ALLC: variants seen among roughly 807,000 people sequenced by gnomAD.
The protein encoded by ALLC is probable inactive allantoicase.
In ALLC, 40 loss-of-function variants were observed where a neutral mutation model predicts 45.0. The ratio of observed to expected loss-of-function variants is 0.89; its 90% CI spans 0.69 to 1.16. The LOEUF is 1.16. ALLC is among the 50% of genes most tolerant of loss of function. The pLI is 0.00. For synonymous variants in ALLC, 176 were observed against 178.1 expected, an observed-to-expected ratio of 0.99 and a Z score of 0.09; for missense variants, 488 against 493.1, an observed-to-expected ratio of 0.99 and a Z score of 0.10.
At chr2:3,698,585 CT>C (rs1384345600) in intron 10 of ALLC, among the ~76,000 whole-genome samples, 1 of 152,180 alleles carries the variant, frequency 6.6e-6, no homozygotes, top group East Asian at 1.9e-4. Context: ...TCTGTATTTA[CT>C]TTCTTATGAA....
In ALLC at chr2:3,671,103, G is replaced by T. The variant is rs761121178; in HGVS notation, c.-55G>T. The T allele has an allele frequency of 6.7e-5, 106 of 1,591,710 alleles. 1 individual carries two copies. The South Asian group carries it at 9.1e-4, about 14-fold the overall frequency. On this transcript the variant is annotated 5_prime_UTR_variant, in exon 2 of 12. Coordinates refer to ENST00000252505, the MANE Select transcript of ALLC (RefSeq NM_018436.4). ...CTGCCCTCTCCCTTCCAGGAAGCACGGCTGATGCTCCGAAGGAGGGAAGAC... is the reference window on the plus strand; with the variant it reads ...CTGCCCTCTCCCTTCCAGGAAGCACTGCTGATGCTCCGAAGGAGGGAAGAC...
chr2:3,649,235 A>G, the ALLC span, among the ~76,000 whole-genome samples: 1 of 151,206 alleles, frequency 6.6e-6, no homozygotes, highest in Non-Finnish European at 1.5e-5. Flanking sequence ...AAAAGACCCC[A>G]AACACTTCTT....
the ALLC span, among the ~76,000 whole-genome samples, chr2:3,652,223 C>T: frequency 6.6e-6 from 1 of 152,188 alleles, no homozygotes; most frequent in Non-Finnish European, 1.5e-5. Flanking sequence ...CGGGTGGTTG[C>T]TAGGCTGCCC....
chr2:3,701,543 G>T lies in ALLC; in HGVS notation c.882G>T (p.Gly294=), dbSNP rs141614185. ...GNAPDSCKVD[G]CILTTQEEEA... is the part of the protein sequence containing the mutation. ...CTCCTGACAGCTGTAAAGTGGATGG[G>T]TGCATCCTGACAACTCAGGAAGAAG... Residue 294 remains glycine, a synonymous_variant, in exon 11 of 12, where the codon GGG becomes GGT. Coordinates refer to ENST00000252505, the MANE Select transcript of ALLC (RefSeq NM_018436.4). The T allele has an allele frequency of 1.9e-6, 3 of 1,590,070 alleles. No individual in the cohort carries two copies. Among genetic ancestry groups the T allele is most frequent in the Non-Finnish European group, 8.5e-7 (1 of 1,170,836 alleles).
At chr2:3,677,080 A>T (rs746991488) in intron 3 of ALLC, among the ~76,000 whole-genome samples, 43 of 152,040 alleles carry the variant, frequency 2.8e-4, no homozygotes, top group Admixed American at 4.6e-4. Context: ...AAGCCACCGC[A>T]CCTGACTAGT....
At chr2:3,678,388 T>C in intron 3 of ALLC, 80 bp from the exon 4 acceptor site, 2 of 1,229,542 alleles carry the variant, frequency 1.6e-6, no homozygotes. Flanking sequence ...CCTCTGGCAC[T>C]GTGGGACAGA....
intron 11 of ALLC, 118 bp downstream of exon 11, chr2:3,701,754 G>A (rs540311356): frequency 9.5e-6 from 12 of 1,269,368 alleles, no homozygotes; most frequent in Non-Finnish European, 1.2e-5. Context: ...TAAAACGAAT[G>A]AGGTTTAAAA....
intron 1 of ALLC, among the ~76,000 whole-genome samples, chr2:3,661,332 C>G (rs781023787): frequency 6.6e-6 from 1 of 152,192 alleles, no homozygotes; most frequent in Non-Finnish European, 1.5e-5. Context: ...CCTCAATGCA[C>G]GCAAGCATTT....
intron 10 of ALLC, among the ~76,000 whole-genome samples, chr2:3,697,764 C>T (rs767341224): frequency 2.9e-4 from 44 of 151,946 alleles, no homozygotes; most frequent in Non-Finnish European, 5.7e-4. Flanking sequence ...CTCCAGGGTC[C>T]AAGCGATTCT....
intron 7 of ALLC, among the ~76,000 whole-genome samples, chr2:3,690,132 C>T (rs1667435563): frequency 6.7e-6 from 1 of 148,402 alleles, no homozygotes; most frequent in Non-Finnish European, 1.5e-5. Context: ...GGCCTTGTTT[C>T]TTAGTCCATT....
intron 2 of ALLC, among the ~76,000 whole-genome samples, chr2:3,672,022 AGGTCCTCTGGCTCTAGTTAGACCTGT>A (rs1666889990): frequency 1.0e-5 from 1 of 99,670 alleles, no homozygotes. Context: ...GTTAGATCCG[AGGTCCTCTGGCTCTAGTTAGACCTGT>A]GGTCCTCTGG....
intron 1 of ALLC, among the ~76,000 whole-genome samples, chr2:3,660,704 A>G (rs530843638): frequency 3.3e-4 from 51 of 152,296 alleles, no homozygotes; most frequent in African/African-American, 1.2e-3. Flanking sequence ...GTTAGACCGC[A>G]CAGGCTAAAC....
At chr2:3,684,779 C>T (rs1023353635) in intron 7 of ALLC, among the ~76,000 whole-genome samples, 7 of 151,568 alleles carry the variant, frequency 4.6e-5, no homozygotes, top group Non-Finnish European at 1.0e-4. Context: ...GTATATATAC[C>T]ATATTTTCTT....
chr2:3,684,435 A>G (rs920574213), intron 7 of ALLC, among the ~76,000 whole-genome samples: 1 of 152,194 alleles, frequency 6.6e-6, no homozygotes, highest in Non-Finnish European at 1.5e-5. Flanking sequence ...TTAAATTTCA[A>G]CAGGTTTTTG....
chr2:3,681,417 T>C (rs1301891100), intron 5 of ALLC, among the ~76,000 whole-genome samples: 1 of 152,226 alleles, frequency 6.6e-6, no homozygotes, highest in Non-Finnish European at 1.5e-5. Context: ...CAAGCAAATG[T>C]AGTATCAAAC....
At chr2:3,657,087 G>A (rs569461180), upstream of ALLC, among the ~76,000 whole-genome samples, 1 of 152,328 alleles carries the variant, frequency 6.6e-6, no homozygotes, top group East Asian at 1.9e-4. Flanking sequence ...AGGCAGCATA[G>A]GATGTGGTTT....
intron 3 of ALLC, among the ~76,000 whole-genome samples, chr2:3,675,025 C>T (rs907732815): frequency 1.3e-5 from 2 of 152,094 alleles, no homozygotes; most frequent in African/African-American, 4.8e-5. Context: ...AGATAACCAA[C>T]CTAAGTGTTC....
chr2:3,696,278 T>A lies in ALLC; in HGVS notation c.671T>A (p.Val224Asp). ...KFGHPNNIIGVGGAKSMADGW... is the reference protein window; with the variant it reads ...KFGHPNNIIGDGGAKSMADGW... The stretch of plus-strand genomic sequence containing the variant: ...TCAACAATGTTATTTTCTGTAGGAG[T>A]TGGCGGGGCAAAGTCTATGGCGGAT... The change falls in exon 9 of 12, where the codon GTT becomes GAT. Residue 224 changes from valine to aspartate, a missense_variant. Val to Asp is a radical substitution (Grantham distance 152). Coordinates refer to ENST00000252505, the MANE Select transcript of ALLC (RefSeq NM_018436.4). 1 of 1,612,236 alleles carries A rather than the reference T, an allele frequency of 6.2e-7. No homozygotes were observed. Among genetic ancestry groups the A allele is most frequent in the Non-Finnish European group, 8.5e-7 (1 of 1,179,188 alleles).
At chr2:3,652,847 G>A in the ALLC span, among the ~76,000 whole-genome samples, 1 of 152,138 alleles carries the variant, frequency 6.6e-6, no homozygotes, top group African/African-American at 2.4e-5. Flanking sequence ...ATCCCAAAAC[G>A]CTAGGATTAC....
Sources: allele counts gnomAD v4.1 joint callset (sites outside exome capture counted in the v4.1 genomes callset), GRCh38; gene constraint gnomAD v4.1.1; transcripts MANE v1.5; gene names NCBI Gene and HGNC (gene_info 2026-07-23, HGNC 2026-07-21).